Variants in KCNJ3 observed in about 807,000 individuals in gnomAD.
KCNJ3 encodes G protein-activated inward rectifier potassium channel 1.
KCNJ3 carries 4 observed loss-of-function variants against 39.2 expected under a neutral mutation model. The ratio of observed to expected loss-of-function variants is 0.10; its 90% CI spans 0.05 to 0.23. KCNJ3 has a LOEUF of 0.23. KCNJ3 is among the 10% of genes least tolerant of loss of function. KCNJ3 has a pLI of 1.00. For missense variants in KCNJ3, 276 were observed against 634.9 expected, an observed-to-expected ratio of 0.43 and a Z score of 6.08; for synonymous variants, 230 against 237.4, an observed-to-expected ratio of 0.97 and a Z score of 0.29.
chr2:154,840,626 T>C (rs989582268), intron 2 of KCNJ3, among the ~76,000 whole-genome samples: 7 of 152,224 alleles, frequency 4.6e-5, no homozygotes, highest in African/African-American at 1.7e-4. Context: ...CAGTGGTTTG[T>C]AGTTCTCCTT....
chr2:154,805,623 A>G (rs1276664901), intron 2 of KCNJ3, among the ~76,000 whole-genome samples: 1 of 152,196 alleles, frequency 6.6e-6, no homozygotes, highest in Non-Finnish European at 1.5e-5. Flanking sequence ...TGATAGAAGT[A>G]TATTTAAATT....
chr2:154,776,997 T>A (rs1409212838), intron 2 of KCNJ3, among the ~76,000 whole-genome samples: 1 of 152,024 alleles, frequency 6.6e-6, no homozygotes, highest in Non-Finnish European at 1.5e-5. Context: ...AATCTTGTGC[T>A]AGTTTATCCA....
intron 2 of KCNJ3, among the ~76,000 whole-genome samples, chr2:154,731,068 T>C (rs1356384328): frequency 3.3e-5 from 5 of 152,162 alleles, no homozygotes; most frequent in Non-Finnish European, 1.5e-5. Context: ...TAAATGCCTC[T>C]GAGAGTTTGA....
At chr2:154,726,266 A>G (rs574940130) in intron 2 of KCNJ3, among the ~76,000 whole-genome samples, 7 of 152,324 alleles carry the variant, frequency 4.6e-5, no homozygotes, top group African/African-American at 1.7e-4. Flanking sequence ...CAAATTAGCA[A>G]GAAAAAAAGA....
intron 2 of KCNJ3, among the ~76,000 whole-genome samples, chr2:154,800,498 ACTTT>A (rs1462548813): frequency 2.6e-5 from 4 of 151,998 alleles, no homozygotes; most frequent in Non-Finnish European, 4.4e-5. Context: ...TCTTCCAGTG[ACTTT>A]CTTTATTTTC....
intron 2 of KCNJ3, among the ~76,000 whole-genome samples, chr2:154,728,534 G>GGGA (rs1321797453): frequency 8.5e-5 from 13 of 152,144 alleles, no homozygotes; most frequent in African/African-American, 3.1e-4. Flanking sequence ...TTATGTGGTT[G>GGGA]ATTCCTGGAA....
intron 2 of KCNJ3, among the ~76,000 whole-genome samples, chr2:154,775,412 T>C (rs1447767277): frequency 2.6e-5 from 4 of 152,194 alleles, no homozygotes; most frequent in Non-Finnish European, 4.4e-5. Flanking sequence ...GCTAAACCAC[T>C]CATCTATATT....
chr2:154,769,846 G>T (rs1302367175), intron 2 of KCNJ3, among the ~76,000 whole-genome samples: 1 of 151,974 alleles, frequency 6.6e-6, no homozygotes, highest in Non-Finnish European at 1.5e-5. Context: ...ATATGACAAT[G>T]TTGGGATAGT....
At chr2:154,716,276 A>ATTTTTTTTTTTTTTTTTTT (rs535989708) in intron 2 of KCNJ3, among the ~76,000 whole-genome samples, 4 of 115,484 alleles carry the variant, frequency 3.5e-5, no homozygotes, top group Admixed American at 9.9e-5. Context: ...CGGCCGGCTA[A>ATTTTTTTTTTTTTTTTTTT]TTTTTTTTTT....
intron 2 of KCNJ3, among the ~76,000 whole-genome samples, chr2:154,754,566 C>T (rs922392425): frequency 2.6e-5 from 4 of 152,330 alleles, no homozygotes; most frequent in African/African-American, 9.6e-5. Flanking sequence ...TGAGCCACCG[C>T]ACCCGGCTGT....
chr2:154,844,256 C>T (rs1269395823), intron 2 of KCNJ3, among the ~76,000 whole-genome samples: 2 of 152,166 alleles, frequency 1.3e-5, no homozygotes, highest in African/African-American at 4.8e-5. Context: ...ACCCTGTTTG[C>T]CTGGGTGTCA....
intron 2 of KCNJ3, among the ~76,000 whole-genome samples, chr2:154,716,526 T>C (rs1372745504): frequency 1.3e-5 from 2 of 152,106 alleles, no homozygotes; most frequent in African/African-American, 4.8e-5. Flanking sequence ...TTAATATTGG[T>C]CATTTGCTTG....
At chr2:154,824,728 C>T (rs1687240402) in intron 2 of KCNJ3, among the ~76,000 whole-genome samples, 1 of 152,168 alleles carries the variant, frequency 6.6e-6, no homozygotes, top group Admixed American at 6.5e-5. Flanking sequence ...AAACCATTGT[C>T]GTGTATGGAA....
intron 2 of KCNJ3, among the ~76,000 whole-genome samples, chr2:154,805,121 G>T (rs919952678): frequency 6.6e-6 from 1 of 152,072 alleles, no homozygotes; most frequent in African/African-American, 2.4e-5. Flanking sequence ...TTGAAAAGTT[G>T]CAATCTATAA....
intron 2 of KCNJ3, among the ~76,000 whole-genome samples, chr2:154,790,182 T>C (rs1221504599): frequency 6.6e-6 from 1 of 152,018 alleles, no homozygotes; most frequent in Non-Finnish European, 1.5e-5. Context: ...CAAGACAGAT[T>C]GACCAGATTA....
chr2:154,794,654 A>G (rs1686689549), intron 2 of KCNJ3, among the ~76,000 whole-genome samples: 1 of 152,060 alleles, frequency 6.6e-6, no homozygotes, highest in Admixed American at 6.6e-5. Context: ...CTTGCCCTCA[A>G]AGTCATAATG....
chr2:154,829,480 G>A (rs2105117739), intron 2 of KCNJ3, among the ~76,000 whole-genome samples: 1 of 152,198 alleles, frequency 6.6e-6, no homozygotes, highest in South Asian at 2.1e-4. Context: ...TTATAGCTGT[G>A]TAGTATTCCA....
intron 2 of KCNJ3, among the ~76,000 whole-genome samples, chr2:154,769,855 G>T (rs1686206853): frequency 6.6e-6 from 1 of 151,968 alleles, no homozygotes; most frequent in African/African-American, 2.4e-5. Context: ...TGTTGGGATA[G>T]TATATACAGA....
chr2:154,783,590 T>C (rs1397180664), intron 2 of KCNJ3, among the ~76,000 whole-genome samples: 5 of 152,214 alleles, frequency 3.3e-5, no homozygotes, highest in African/African-American at 4.8e-5. Flanking sequence ...TATTAACTTA[T>C]TAAATTTTCA....
Sources: gnomAD v4.1 joint callset for allele counts (sites outside exome capture counted in the v4.1 genomes callset) on GRCh38, gnomAD v4.1.1 for gene constraint, MANE v1.5 for transcripts, NCBI Gene and HGNC (gene_info 2026-07-23, HGNC 2026-07-21) for gene names.